PKD2L2: variants seen among roughly 807,000 people sequenced by gnomAD.
PKD2L2 encodes the protein polycystin 2 like 2, transient receptor potential cation channel.
Under a neutral mutation model 83.9 loss-of-function variants are expected in PKD2L2, and 67 were observed. That is an observed-to-expected ratio of 0.80 (90% CI 0.66 to 0.98). The LOEUF is 0.98. Ranked by LOEUF, PKD2L2 falls within the 50% of genes least tolerant of loss-of-function variation. The probability of loss-of-function intolerance (pLI) is 0.00; values close to 1 mark genes in which losing one functional copy is unlikely to be tolerated. For missense variants in PKD2L2, 632 were observed against 717.2 expected (o/e 0.88, Z 1.36); for synonymous variants, 223 against 237.8 (o/e 0.94, Z 0.57).
chr5:137,940,034 T>A, intron 14 of PKD2L2: 1 of 1,612,914 alleles, frequency 6.2e-7, no homozygotes, highest in South Asian at 1.1e-5. Flanking sequence ...ATATGGAACA[T>A]CACTTACGCT....
chr5:137,890,096 AACAT>A (rs1755819266), intron 1 of PKD2L2: 1 of 165,708 alleles, frequency 6.0e-6, no homozygotes, highest in Non-Finnish European at 1.3e-5. Flanking sequence ...CATCCTGGCC[AACAT>A]GGTGAAACCC....
At chr5:137,940,591 A>AC (rs1224775905) in intron 14 of PKD2L2, 41 of 373,220 alleles carry the variant, frequency 1.1e-4, no homozygotes, top group Non-Finnish European at 2.0e-4. Flanking sequence ...ATCAACATAG[A>AC]TAACTGGAGG....
chr5:137,929,534 C>CAAAAAAAAAAAAA (rs756601170), intron 12 of PKD2L2, among the ~76,000 whole-genome samples: 1 of 3,438 alleles, frequency 2.9e-4, no homozygotes. Flanking sequence ...ACAAAATTGC[C>CAAAAAAAAAAAAA]AAAAAAAAAA....
intron 8 of PKD2L2, among the ~76,000 whole-genome samples, chr5:137,914,874 T>G (rs1233176100): frequency 6.6e-6 from 1 of 152,234 alleles, no homozygotes; most frequent in Non-Finnish European, 1.5e-5. Context: ...CTGCCTCTAT[T>G]AAGATAATCA....
In PKD2L2 at chr5:137,925,174, G is replaced by GT. The variant is rs953761751; in HGVS notation, c.1616+78dup. The GT allele has an allele frequency of 2.3e-4, 220 of 947,576 alleles. 1 individual carries two copies. The highest frequency in any genetic ancestry group is 1.1e-3 in the African/African-American group (65 of 60,398). 58.7% of individuals were successfully genotyped at this position (947,576 alleles called of 1,614,324 possible). ...CCACATTATATGAGAACCTTATAAG[G>GT]TTTTTTTTGTTTTTTGTTTGTTTGT... On this transcript the variant is annotated intron_variant, in intron 11 of 14. Coordinates refer to ENST00000508883, the MANE Select transcript of PKD2L2 (RefSeq NM_001300921.2).
chr5:137,909,997 G>A (rs1316401200), intron 8 of PKD2L2, among the ~76,000 whole-genome samples: 2 of 151,978 alleles, frequency 1.3e-5, no homozygotes, highest in Non-Finnish European at 2.9e-5. Context: ...GCCAAGATGG[G>A]AGAATCACTG....
In PKD2L2 at chr5:137,908,646, C is replaced by T. The variant is rs930104677; in HGVS notation, c.1147-119C>T. 17 of 585,824 alleles carry T rather than the reference C, an allele frequency of 2.9e-5. No individual in the cohort carries two copies. In the African/African-American group the frequency reaches 3.3e-4, roughly 11 times the overall value. The allele number at this position is 585,824 out of a possible 1,614,324, so 36.3% of individuals were successfully genotyped here. Reference sequence around the variant, plus strand: ...ATGATTGCTGGGAAATCCTCAAACACCCATGATTATCATTAAATATCTCCT... The same window carrying T: ...ATGATTGCTGGGAAATCCTCAAACATCCATGATTATCATTAAATATCTCCT... On this transcript the variant is annotated intron_variant, in intron 7 of 14. Transcript: ENST00000508883.
Position 137,920,744 on chromosome 5 carries a change from C to T in PKD2L2, c.1329-892C>T, listed in dbSNP as rs187466283. 2.9e-4 allele frequency among the ~76,000 whole-genome samples: 39 copies of T among 132,760 alleles called. 1 individual carries two copies. In the East Asian group the frequency reaches 7.3e-3, roughly 25 times the overall value. 87.1% of individuals were successfully genotyped at this position (132,760 alleles called of 152,430 possible). A position where few individuals can be genotyped will look rare whatever the true frequency, so the allele number is the denominator to read the frequency against. On this transcript the variant is annotated intron_variant, in intron 8 of 14. Transcript: ENST00000508883. Reference sequence around the variant, plus strand: ...TGCACTCCAGCCTGGGCGACAAGAGCGAAACTCCATCTAAAAAAAAAAAAA... The same window carrying T: ...TGCACTCCAGCCTGGGCGACAAGAGTGAAACTCCATCTAAAAAAAAAAAAA...
chr5:137,936,448 C>T (rs1244694257), intron 14 of PKD2L2, 21 bp downstream of exon 14: 1 of 1,496,658 alleles, frequency 6.7e-7, no homozygotes, highest in Admixed American at 2.1e-5. Context: ...GTGATGCAAT[C>T]ATTGAGCATT....
chr5:137,907,480 G>A (rs894871715), intron 6 of PKD2L2, among the ~76,000 whole-genome samples: 1 of 152,140 alleles, frequency 6.6e-6, no homozygotes, highest in Non-Finnish European at 1.5e-5. Flanking sequence ...TTATACATTT[G>A]CGCTTTATGA....
intron 14 of PKD2L2, among the ~76,000 whole-genome samples, chr5:137,937,243 G>T (rs1760516553): frequency 6.6e-6 from 1 of 152,178 alleles, no homozygotes; most frequent in African/African-American, 2.4e-5. Context: ...AAGCCAAAGT[G>T]TAGAACAAAC....
intron 4 of PKD2L2, among the ~76,000 whole-genome samples, chr5:137,895,842 C>T (rs1451302501): frequency 1.3e-5 from 2 of 149,076 alleles, no homozygotes; most frequent in East Asian, 2.0e-4. Context: ...CATGCCACTG[C>T]GCTCTGGCCT....
intron 8 of PKD2L2, among the ~76,000 whole-genome samples, chr5:137,911,595 T>C (rs1294365881): frequency 6.6e-6 from 1 of 152,212 alleles, no homozygotes; most frequent in Non-Finnish European, 1.5e-5. Flanking sequence ...TTGATACATG[T>C]ATACATTGTG....
chr5:137,893,945 A>G (rs1031112617), intron 3 of PKD2L2, among the ~76,000 whole-genome samples: 5 of 152,214 alleles, frequency 3.3e-5, no homozygotes, highest in Non-Finnish European at 4.4e-5. Flanking sequence ...ACGATCAGCA[A>G]GGGCCAGAGC....
intron 12 of PKD2L2, among the ~76,000 whole-genome samples, chr5:137,929,559 A>AAAAAAAAAC (rs1580989753): frequency 1.4e-5 from 2 of 147,752 alleles, no homozygotes; most frequent in African/African-American, 2.5e-5. Context: ...AAAAAAAAAA[A>AAAAAAAAAC]CAGACCACAC....
intron 12 of PKD2L2, among the ~76,000 whole-genome samples, chr5:137,931,121 T>C (rs552561614): frequency 6.6e-6 from 1 of 152,258 alleles, no homozygotes; most frequent in East Asian, 1.9e-4. Context: ...AAATGGGCAA[T>C]ATTTCTATGA....
At chr5:137,914,740 T>C (rs1032459201) in intron 8 of PKD2L2, among the ~76,000 whole-genome samples, 2 of 152,210 alleles carry the variant, frequency 1.3e-5, no homozygotes, top group African/African-American at 4.8e-5. Context: ...CTTTTAACCA[T>C]TGAGTATGAT....
rs1757579053 is a variant in PKD2L2 at position 137,908,920 on chromosome 5, T to C, written c.1302T>C (p.Asp434=). Residue 434 remains aspartate (D), a synonymous_variant, in exon 8 of 15, where the codon GAT becomes GAC. Transcript: ENST00000508883. ...LGFLVFGSQV[D]DFSTFQNSIF... ...TTCTTGTTTTTGGATCACAAGTTGA[T>C]GACTTTTCCACTTTTCAGAATTCCA... The C allele has an allele frequency of 6.2e-7, 1 of 1,607,286 alleles. No individual in the cohort carries two copies. The highest frequency in any genetic ancestry group is 1.3e-5 in the African/African-American group (1 of 74,786).
chr5:137,926,783 G>C (rs565655792), intron 12 of PKD2L2, among the ~76,000 whole-genome samples: 1 of 152,188 alleles, frequency 6.6e-6, no homozygotes, highest in Non-Finnish European at 1.5e-5. Flanking sequence ...CCACTTAAAT[G>C]CGTAATGTTT....
Sources: gnomAD v4.1 joint callset for allele counts (sites outside exome capture counted in the v4.1 genomes callset) on GRCh38, gnomAD v4.1.1 for gene constraint, MANE v1.5 for transcripts, NCBI Gene and HGNC (gene_info 2026-07-23, HGNC 2026-07-21) for gene names.